ERBIN: variants seen among roughly 807,000 people sequenced by gnomAD.
The protein encoded by ERBIN is densin-180-like protein.
A neutral mutation model predicts 158.4 loss-of-function variants in ERBIN; 60 were observed. The observed-to-expected ratio is 0.38, with a 90% CI of 0.31 to 0.47. The LOEUF (loss-of-function observed/expected upper bound fraction) is 0.47, where lower values mean the gene tolerates loss of function less well. ERBIN is among the 20% of genes least tolerant of loss of function. The pLI is 0.99. For missense variants in ERBIN, 1,610 were observed against 1,648.0 expected, an observed-to-expected ratio of 0.98 and a Z score of 0.40; for synonymous variants, 594 against 557.2, an observed-to-expected ratio of 1.07 and a Z score of -0.93.
intron 1 of ERBIN, among the ~76,000 whole-genome samples, chr5:65,956,641 A>C (rs967397536): frequency 6.6e-6 from 1 of 151,828 alleles, no homozygotes; most frequent in Non-Finnish European, 1.5e-5. Context: ...CAGACTCCCA[A>C]AGTGTTGGGA....
At chr5:66,014,235 A>G (rs1221298413) in intron 6 of ERBIN, among the ~76,000 whole-genome samples, 1 of 152,038 alleles carries the variant, frequency 6.6e-6, no homozygotes, top group Non-Finnish European at 1.5e-5. Context: ...TAATCTGCTC[A>G]TTTTCTCTCT....
chr5:66,006,635 A>G (rs1753630381), intron 4 of ERBIN, among the ~76,000 whole-genome samples: 1 of 152,172 alleles, frequency 6.6e-6, no homozygotes, highest in South Asian at 2.1e-4. Context: ...AATTTTTGCA[A>G]TCTACTTATC....
At chr5:66,044,661 A>C (rs908849447) in intron 17 of ERBIN, among the ~76,000 whole-genome samples, 1 of 152,094 alleles carries the variant, frequency 6.6e-6, no homozygotes, top group Non-Finnish European at 1.5e-5. Context: ...GCTACTTGGG[A>C]GGCTGAGGCA....
chr5:66,065,354 T>G (rs1760867856), intron 21 of ERBIN, among the ~76,000 whole-genome samples: 1 of 111,308 alleles, frequency 9.0e-6, no homozygotes, highest in Admixed American at 8.5e-5. Flanking sequence ...TTCAGTGATA[T>G]GTACACCCTT....
chr5:65,978,510 G>A (rs1169909846), intron 1 of ERBIN, among the ~76,000 whole-genome samples: 2 of 152,242 alleles, frequency 1.3e-5, no homozygotes, highest in Non-Finnish European at 2.9e-5. Context: ...AAAATTGGTG[G>A]ACTCAAGGAA....
chr5:65,934,729 T>C (rs1051201650), intron 1 of ERBIN, among the ~76,000 whole-genome samples: 3 of 152,224 alleles, frequency 2.0e-5, no homozygotes, highest in Non-Finnish European at 2.9e-5. Flanking sequence ...TTAACTAATA[T>C]TTTGCGGTAG....
At chr5:66,021,272 A>T (rs1172725468) in intron 7 of ERBIN, 50 bp from the exon 8 acceptor site, 3 of 1,198,348 alleles carry the variant, frequency 2.5e-6, no homozygotes. Flanking sequence ...GAAAGCTTCC[A>T]TGTAATTGAT....
chr5:65,958,707 G>A lies in ERBIN; in HGVS notation c.-57-29928G>A, dbSNP rs567503330. Reference sequence around the variant, plus strand: ...TGTAGGATTTTTTTACTTTATGATGGTGTGAAGCAATACATGTTCAATAGA... The same window carrying A: ...TGTAGGATTTTTTTACTTTATGATGATGTGAAGCAATACATGTTCAATAGA... On this transcript the variant is annotated intron_variant, in intron 1 of 25. Transcript: ENST00000284037. Among the ~76,000 whole-genome samples, 15 of 152,204 alleles carry A rather than the reference G, an allele frequency of 9.9e-5. No homozygotes were observed. In the South Asian group the frequency reaches 2.1e-3, roughly 21 times the overall value.
At chr5:66,012,877 T>C (rs867524575) in intron 5 of ERBIN, among the ~76,000 whole-genome samples, 1 of 152,234 alleles carries the variant, frequency 6.6e-6, no homozygotes, top group Admixed American at 6.5e-5. Flanking sequence ...TTTAAATGTT[T>C]TTTCTTTTCA....
At chr5:65,959,701 C>G (rs982384592) in intron 1 of ERBIN, among the ~76,000 whole-genome samples, 1 of 152,030 alleles carries the variant, frequency 6.6e-6, no homozygotes, top group Non-Finnish European at 1.5e-5. Flanking sequence ...ACTGTGTGCC[C>G]CCTTTTATAT....
intron 22 of ERBIN, among the ~76,000 whole-genome samples, 170 bp downstream of exon 22, chr5:66,072,461 TCTA>T (rs1455866147): frequency 6.6e-6 from 1 of 152,236 alleles, no homozygotes. Context: ...TTTGACCCTG[TCTA>T]CTATTTCTCA....
intron 1 of ERBIN, among the ~76,000 whole-genome samples, chr5:65,933,334 T>C (rs1743675851): frequency 6.6e-6 from 1 of 152,206 alleles, no homozygotes; most frequent in Non-Finnish European, 1.5e-5. Flanking sequence ...CCCAGCCCAA[T>C]GAATCCTTCT....
chr5:65,983,606 C>T (rs1356672054), intron 1 of ERBIN, among the ~76,000 whole-genome samples: 1 of 146,164 alleles, frequency 6.8e-6, no homozygotes, highest in Non-Finnish European at 1.6e-5. Context: ...CTTACACAAC[C>T]ACTAAATACC....
In ERBIN at chr5:66,081,775, C is replaced by T. The variant is rs1012628262; in HGVS notation, c.*3245C>T. On this transcript the variant is annotated 3_prime_UTR_variant, in exon 26 of 26. Transcript: ENST00000284037. ...TGGAAGGGTATTTTTTTCACTCAGTCTGTTGCATTCTTACAGCCTTCTGTT... is the reference window on the plus strand; with the variant it reads ...TGGAAGGGTATTTTTTTCACTCAGTTTGTTGCATTCTTACAGCCTTCTGTT... The T allele has an allele frequency of 1.3e-5, 2 of 151,554 alleles. No individual in the cohort carries two copies. Among genetic ancestry groups the T allele is most frequent in the East Asian group, 3.9e-4 (2 of 5,178 alleles). The allele number at this position is 151,554 out of a possible 1,614,324, so 9.4% of individuals were successfully genotyped here. A position where few individuals can be genotyped will look rare whatever the true frequency, so the allele number is the denominator to read the frequency against.
chr5:65,983,380 G>A lies in ERBIN; in HGVS notation c.-57-5255G>A, dbSNP rs568294025. 3.3e-5 allele frequency among the ~76,000 whole-genome samples: 5 copies of A among 151,730 alleles called. No individual in the cohort carries two copies. In the South Asian group the frequency reaches 6.3e-4, roughly 19 times the overall value. ...GTCCTTATAAATGCTCTTACACAGC[G>A]TTTATAATTTTTTCATTACTTAAGT... On this transcript the variant is annotated intron_variant, in intron 1 of 25. Coordinates refer to ENST00000284037, the MANE Select transcript of ERBIN (RefSeq NM_001253697.2).
intron 21 of ERBIN, among the ~76,000 whole-genome samples, chr5:66,064,579 C>G (rs928126974): frequency 1.2e-4 from 19 of 152,068 alleles, no homozygotes; most frequent in Non-Finnish European, 2.5e-4. Context: ...CAAGTTGACA[C>G]AATAAACAAA....
At position 66,053,600 on chromosome 5, in the gene ERBIN, ATCATATCAAT is replaced by A; in HGVS notation, c.2283_2292del (p.Asp761GlufsTer2). ...ACAGCTGATGACACTCACAAATTAGATCATATCAATATGAATCTTAATAAACTTATAACTA... is the reference window on the plus strand; with the variant it reads ...ACAGCTGATGACACTCACAAATTAGAATGAATCTTAATAAACTTATAACTA... On this transcript the variant is annotated frameshift_variant, in exon 21 of 26. Coordinates refer to ENST00000284037, the MANE Select transcript of ERBIN (RefSeq NM_001253697.2). LOFTEE classifies it high-confidence loss of function. 1 of 1,610,996 alleles carries A rather than the reference ATCATATCAAT, an allele frequency of 6.2e-7. No individual in the cohort carries two copies. The highest frequency in any genetic ancestry group is 8.5e-7 in the Non-Finnish European group (1 of 1,179,110).
chr5:66,026,441 T>G, intron 13 of ERBIN, 24 bp downstream of exon 13: 1 of 1,354,222 alleles, frequency 7.4e-7, no homozygotes. Flanking sequence ...TATTCATCAG[T>G]TGGTTTATAG....
intron 1 of ERBIN, among the ~76,000 whole-genome samples, chr5:65,948,762 G>GTGTTT (rs1746122744): frequency 9.5e-6 from 1 of 105,624 alleles, no homozygotes; most frequent in African/African-American, 3.7e-5. Flanking sequence ...TCTGTTTTGC[G>GTGTTT]TTTTTTTTTT....
Sources: allele counts gnomAD v4.1 joint callset (sites outside exome capture counted in the v4.1 genomes callset), GRCh38; gene constraint gnomAD v4.1.1; transcripts MANE v1.5; gene names NCBI Gene and HGNC (gene_info 2026-07-23, HGNC 2026-07-21).